Variants in ADAMTS9 observed in about 807,000 individuals in gnomAD.
The protein encoded by ADAMTS9 is A disintegrin and metalloproteinase with thrombospondin motifs 9.
In ADAMTS9, 107 loss-of-function variants were observed where a neutral mutation model predicts 257.1. That is an observed-to-expected ratio of 0.42 (90% CI 0.36 to 0.49). ADAMTS9 has a LOEUF of 0.49. Among genes scored for constraint, ADAMTS9 ranks in the 20% least tolerant of loss-of-function variants. ADAMTS9 has a pLI of 0.03. For synonymous variants in ADAMTS9, 982 were observed against 880.9 expected (o/e 1.11, Z -2.03); for missense variants, 2,353 against 2,469.1 (o/e 0.95, Z 1.00).
At chr3:64,613,113 T>C (rs552920068) in intron 22 of ADAMTS9, among the ~76,000 whole-genome samples, 2 of 152,240 alleles carry the variant, frequency 1.3e-5, no homozygotes, top group South Asian at 4.1e-4. Flanking sequence ...AGGGCAAAGA[T>C]AGGCACGTGG....
At chr3:64,627,364 A>T (rs1445601741) in intron 16 of ADAMTS9, among the ~76,000 whole-genome samples, 1 of 148,792 alleles carries the variant, frequency 6.7e-6, no homozygotes, top group African/African-American at 2.6e-5. Context: ...TTGGCCCCAG[A>T]CATCCTTAAA....
At chr3:64,617,278 A>G (rs1199078694) in intron 19 of ADAMTS9, among the ~76,000 whole-genome samples, 1 of 152,084 alleles carries the variant, frequency 6.6e-6, no homozygotes, top group Non-Finnish European at 1.5e-5. Context: ...CTTCGTCACC[A>G]TTTCCTTGTG....
At position 64,550,202 on chromosome 3, in the gene ADAMTS9, C is replaced by G. The variant is rs560093807; in HGVS notation, c.4869+690G>C. 2.0e-5 allele frequency: 3 copies of G among 152,178 alleles called. No homozygotes were observed. In the East Asian group the frequency reaches 5.8e-4, roughly 29 times the overall value. 9.4% of individuals were successfully genotyped at this position (152,178 alleles called of 1,614,324 possible). Reference sequence around the variant, plus strand: ...AAAGGGTCTAGATAAGCACTGTGCACAGGAAGATATATGAAAAAATGGTAC... The same window carrying G: ...AAAGGGTCTAGATAAGCACTGTGCAGAGGAAGATATATGAAAAAATGGTAC... On this transcript the variant is annotated intron_variant, in intron 31 of 39. Transcript: ENST00000498707.
chr3:64,593,962 TG>T (rs1278454341), intron 28 of ADAMTS9, among the ~76,000 whole-genome samples: 2 of 4,280 alleles, frequency 4.7e-4, no homozygotes, highest in Non-Finnish European at 5.2e-4. Context: ...GTGTGTATGA[TG>T]TGTGTGTGTG....
At chr3:64,610,600 A>G (rs2084647068) in intron 22 of ADAMTS9, among the ~76,000 whole-genome samples, 1 of 152,206 alleles carries the variant, frequency 6.6e-6, no homozygotes, top group African/African-American at 2.4e-5. Flanking sequence ...GATGATCAGT[A>G]TCTTTTGTTA....
At chr3:64,570,067 A>G (rs989459313) in intron 28 of ADAMTS9, among the ~76,000 whole-genome samples, 5 of 152,336 alleles carry the variant, frequency 3.3e-5, no homozygotes, top group African/African-American at 9.6e-5. Flanking sequence ...ATAGTGACCA[A>G]TTTTAATATT....
At chr3:64,527,847 A>T (rs2082928701) in intron 38 of ADAMTS9, among the ~76,000 whole-genome samples, 1 of 152,172 alleles carries the variant, frequency 6.6e-6, no homozygotes, top group African/African-American at 2.4e-5. Flanking sequence ...AGCTGACAGC[A>T]AGTTCGGAGG....
At chr3:64,656,613 T>C (rs913893948) in intron 4 of ADAMTS9, among the ~76,000 whole-genome samples, 3 of 152,104 alleles carry the variant, frequency 2.0e-5, no homozygotes, top group Non-Finnish European at 4.4e-5. Flanking sequence ...CCAAAGTCCA[T>C]GTTCATAATC....
chr3:64,580,858 G>A (rs544533867), intron 28 of ADAMTS9, among the ~76,000 whole-genome samples: 1 of 152,188 alleles, frequency 6.6e-6, no homozygotes, highest in East Asian at 1.9e-4. Context: ...TTCTATTCAG[G>A]CTTGTTTCTT....
chr3:64,529,016 C>T (rs2106884169), intron 38 of ADAMTS9, among the ~76,000 whole-genome samples: 1 of 152,300 alleles, frequency 6.6e-6, no homozygotes, highest in Admixed American at 6.5e-5. Context: ...GCACCAAGGG[C>T]TGAGTTGCGG....
intron 39 of ADAMTS9, among the ~76,000 whole-genome samples, chr3:64,518,941 C>G (rs2082816550): frequency 1.3e-5 from 2 of 151,968 alleles, no homozygotes; most frequent in Admixed American, 1.3e-4. Flanking sequence ...ACACACCCAG[C>G]TAAATTTTGA....
chr3:64,524,776 C>A (rs116011692), intron 38 of ADAMTS9, among the ~76,000 whole-genome samples: 3 of 152,226 alleles, frequency 2.0e-5, no homozygotes, highest in Non-Finnish European at 4.4e-5. Flanking sequence ...TAAAGACCTG[C>A]GCTCCATAGA....
intron 29 of ADAMTS9, among the ~76,000 whole-genome samples, chr3:64,564,965 G>T (rs1448829756): frequency 6.6e-6 from 1 of 152,204 alleles, no homozygotes; most frequent in African/African-American, 2.4e-5. Flanking sequence ...CTGCGAATGT[G>T]CGTTTGCGAT....
chr3:64,579,889 C>T (rs1467406282), intron 28 of ADAMTS9, among the ~76,000 whole-genome samples: 4 of 152,128 alleles, frequency 2.6e-5, no homozygotes, highest in Non-Finnish European at 5.9e-5. Flanking sequence ...GCACAGGCGA[C>T]ATCTAAAGGG....
At chr3:64,636,576 G>C (rs1455139551) in intron 12 of ADAMTS9, among the ~76,000 whole-genome samples, 1 of 152,144 alleles carries the variant, frequency 6.6e-6, no homozygotes, top group Non-Finnish European at 1.5e-5. Flanking sequence ...TACAAGATTT[G>C]GCAAACTACC....
chr3:64,562,545 G>A (rs1175721387), intron 29 of ADAMTS9, among the ~76,000 whole-genome samples: 2 of 152,114 alleles, frequency 1.3e-5, no homozygotes, highest in Non-Finnish European at 2.9e-5. Flanking sequence ...CTTATGGCCA[G>A]GCCAAGAATT....
chr3:64,596,039 T>C (rs9874665), intron 27 of ADAMTS9, among the ~76,000 whole-genome samples: 2,058 of 152,336 alleles, frequency 0.014, 48 homozygotes, highest in African/African-American at 0.046. Context: ...TTAACATTAA[T>C]TATTACTACA....
chr3:64,573,934 C>T (rs1312306488), intron 28 of ADAMTS9, among the ~76,000 whole-genome samples: 1 of 152,178 alleles, frequency 6.6e-6, no homozygotes, highest in African/African-American at 2.4e-5. Flanking sequence ...CCATGTGGGG[C>T]TTACCACATG....
intron 28 of ADAMTS9, chr3:64,568,768 C>A: frequency 2.2e-6 from 1 of 451,572 alleles, no homozygotes; most frequent in East Asian, 4.6e-5. Flanking sequence ...TTGGCTCACT[C>A]AAGAGTGTGG....
Sources: gnomAD v4.1 joint callset for allele counts (sites outside exome capture counted in the v4.1 genomes callset) on GRCh38, gnomAD v4.1.1 for gene constraint, MANE v1.5 for transcripts, NCBI Gene and HGNC (gene_info 2026-07-23, HGNC 2026-07-21) for gene names.